Variants in LOC400499 observed in about 807,000 individuals in gnomAD.
At chr16:11,415,292 G>A in the LOC400499 span, among the ~76,000 whole-genome samples, 1 of 152,214 alleles carries the variant, frequency 6.6e-6, no homozygotes, top group East Asian at 1.9e-4. Context: ...AGAGCAAACA[G>A]ATGGCGCCGA....
At chr16:11,500,117 G>A in the LOC400499 span, among the ~76,000 whole-genome samples, 1 of 152,208 alleles carries the variant, frequency 6.6e-6, no homozygotes, top group Non-Finnish European at 1.5e-5. Flanking sequence ...CAAGTGCTCA[G>A]ATTTAGTGCC....
chr16:11,422,815 C>G, the LOC400499 span, among the ~76,000 whole-genome samples: 1 of 152,234 alleles, frequency 6.6e-6, no homozygotes, highest in South Asian at 2.1e-4. Flanking sequence ...GAGCTGCACC[C>G]CAGCCCTGAG....
the LOC400499 span, among the ~76,000 whole-genome samples, chr16:11,383,034 C>A: frequency 6.6e-6 from 1 of 151,012 alleles, no homozygotes; most frequent in South Asian, 2.1e-4. Context: ...ACAATCATGG[C>A]AGGAGGAGAG....
At chr16:11,461,503 G>C in the LOC400499 span, among the ~76,000 whole-genome samples, 9 of 152,196 alleles carry the variant, frequency 5.9e-5, no homozygotes, top group Non-Finnish European at 1.2e-4. Context: ...TTTCAGGCGT[G>C]AGACACTGTG....
chr16:11,501,179 T>G, the LOC400499 span, among the ~76,000 whole-genome samples: 2 of 151,650 alleles, frequency 1.3e-5, no homozygotes, highest in East Asian at 3.9e-4. Context: ...CCCCGGCAGC[T>G]CTACCCACCC....
chr16:11,496,647 C>A, the LOC400499 span, among the ~76,000 whole-genome samples: 2 of 152,164 alleles, frequency 1.3e-5, no homozygotes, highest in African/African-American at 4.8e-5. Context: ...TGGATGTGTG[C>A]ATGTGCCCAT....
the LOC400499 span, chr16:11,424,328 T>C: frequency 5.0e-6 from 2 of 399,600 alleles, no homozygotes; most frequent in African/African-American, 2.1e-5. Flanking sequence ...GGAGCATCCC[T>C]GCCTCGGAGG....
chr16:11,381,243 T>C, the LOC400499 span: 17 of 152,196 alleles, frequency 1.1e-4, no homozygotes, highest in African/African-American at 4.1e-4. Flanking sequence ...TCCCATTGTT[T>C]ACTTTTGAGT....
the LOC400499 span, chr16:11,384,134 C>T: frequency 1.8e-4 from 222 of 1,215,094 alleles, no homozygotes; most frequent in East Asian, 2.2e-4. Context: ...GCCATCAGGC[C>T]GCCTGCCTCT....
the LOC400499 span, among the ~76,000 whole-genome samples, chr16:11,409,183 C>G: frequency 6.6e-6 from 1 of 151,962 alleles, no homozygotes; most frequent in Non-Finnish European, 1.5e-5. Flanking sequence ...ATTGCATAAG[C>G]CCAGGTGGCG....
chr16:11,383,907 G>A, the LOC400499 span: 1 of 1,232,028 alleles, frequency 8.1e-7, no homozygotes, highest in Non-Finnish European at 1.0e-6. Context: ...AGTCCCTCAA[G>A]CTGGAGTGGG....
At chr16:11,448,112 CA>C in the LOC400499 span, 3 of 1,517,296 alleles carry the variant, frequency 2.0e-6, no homozygotes, top group East Asian at 7.4e-5. Context: ...GACGGGCCAG[CA>C]GGACCAAGCT....
chr16:11,433,226 A>C, the LOC400499 span, among the ~76,000 whole-genome samples: 1 of 152,124 alleles, frequency 6.6e-6, no homozygotes, highest in Non-Finnish European at 1.5e-5. Flanking sequence ...GACCTACAAC[A>C]AGGTGCATTT....
At chr16:11,520,909 C>T in the LOC400499 span, among the ~76,000 whole-genome samples, 203 of 152,274 alleles carry the variant, frequency 1.3e-3, no homozygotes, top group African/African-American at 4.8e-3. Flanking sequence ...CTTTGAAATA[C>T]ACTGGTTCTT....
At chr16:11,437,373 C>G in the LOC400499 span, among the ~76,000 whole-genome samples, 15 of 152,296 alleles carry the variant, frequency 9.8e-5, no homozygotes, top group South Asian at 2.3e-3. Context: ...GCCTGAACAA[C>G]AGAGCAATAC....
At chr16:11,448,913 T>C in the LOC400499 span, 4 of 1,467,578 alleles carry the variant, frequency 2.7e-6, no homozygotes, top group Non-Finnish European at 3.6e-6. Flanking sequence ...CCTCCTGGGT[T>C]CTTACCCACT....
the LOC400499 span, among the ~76,000 whole-genome samples, chr16:11,410,573 G>C: frequency 1.3e-5 from 2 of 152,240 alleles, no homozygotes; most frequent in African/African-American, 4.8e-5. Flanking sequence ...CCAGCACATA[G>C]CGCATGCTCT....
the LOC400499 span, chr16:11,446,848 CTA>C: frequency 1.3e-6 from 2 of 1,536,116 alleles, no homozygotes; most frequent in South Asian, 2.4e-5. Context: ...CTGGTGTCGC[CTA>C]TCAGCTGTGA....
At chr16:11,384,084 G>A in the LOC400499 span, 1 of 1,230,514 alleles carries the variant, frequency 8.1e-7, no homozygotes, top group Non-Finnish European at 1.0e-6. Flanking sequence ...CTCAGCAGGA[G>A]ACTTCCCCCA....
Sources: gnomAD v4.1 joint callset for allele counts (sites outside exome capture counted in the v4.1 genomes callset) on GRCh38, gnomAD v4.1.1 for gene constraint, MANE v1.5 for transcripts.